The following EIF4G3 variants were observed in gnomAD, a reference collection of about 807,000 sequenced individuals.
The protein encoded by EIF4G3 is eIF-4-gamma 3.
Under a neutral mutation model 186.4 loss-of-function variants are expected in EIF4G3, and 34 were observed. The ratio of observed to expected loss-of-function variants is 0.18; its 90% confidence interval spans 0.14 to 0.24. EIF4G3 has a LOEUF of 0.24. EIF4G3 is among the 10% of genes least tolerant of loss of function. EIF4G3 has a pLI of 1.00. For synonymous variants in EIF4G3, 673 were observed against 679.5 expected (o/e 0.99, Z 0.15); for missense variants, 1,536 against 1,948.5 (o/e 0.79, Z 3.99).
chr1:20,951,463 A>C (rs1257543048), intron 12 of EIF4G3, among the ~76,000 whole-genome samples: 1 of 152,190 alleles, frequency 6.6e-6, no homozygotes, highest in Non-Finnish European at 1.5e-5. Context: ...GGGACAAATA[A>C]AGAAAATAGC....
intron 22 of EIF4G3, 22 bp from the exon 23 acceptor site, chr1:20,862,354 G>C (rs2154552017): frequency 7.3e-7 from 1 of 1,378,114 alleles, no homozygotes; most frequent in South Asian, 1.3e-5. Context: ...AAAATCATTA[G>C]TACTCCTGTC....
intron 2 of EIF4G3, among the ~76,000 whole-genome samples, chr1:21,154,097 C>T (rs1191310105): frequency 1.3e-5 from 2 of 152,112 alleles, no homozygotes; most frequent in African/African-American, 2.4e-5. Context: ...TGCTTATCCA[C>T]CAAAATCAGG....
At chr1:21,133,106 T>A (rs764730401) in intron 2 of EIF4G3, among the ~76,000 whole-genome samples, 8 of 151,990 alleles carry the variant, frequency 5.3e-5, no homozygotes, top group Non-Finnish European at 1.0e-4. Flanking sequence ...TTATGAACAT[T>A]TACTACATTT....
At chr1:20,900,907 ATTT>A (rs1157585836) in intron 15 of EIF4G3, among the ~76,000 whole-genome samples, 1 of 152,202 alleles carries the variant, frequency 6.6e-6, no homozygotes, top group Non-Finnish European at 1.5e-5. Flanking sequence ...GTTTAAAACA[ATTT>A]TTGAGTGACA....
chr1:20,822,972 T>C (rs940425231), intron 33 of EIF4G3, among the ~76,000 whole-genome samples: 12 of 152,200 alleles, frequency 7.9e-5, no homozygotes, highest in Non-Finnish European at 1.5e-4. Flanking sequence ...TTCTCAGCAC[T>C]CTGAGATTAT....
At chr1:20,939,420 A>G (rs997838756) in intron 14 of EIF4G3, among the ~76,000 whole-genome samples, 2 of 152,238 alleles carry the variant, frequency 1.3e-5, no homozygotes, top group Admixed American at 1.3e-4. Context: ...TATTGAGAGC[A>G]TCTGCATTTC....
At chr1:21,155,262 CAAAAAAAAAAAAAA>C (rs34182850) in intron 2 of EIF4G3, among the ~76,000 whole-genome samples, 1 of 43,326 alleles carries the variant, frequency 2.3e-5, no homozygotes, top group African/African-American at 9.8e-5. Context: ...GACTCTGTCT[CAAAAAAAAAAAAAA>C]AAAAAAAAAA....
intron 2 of EIF4G3, among the ~76,000 whole-genome samples, chr1:21,093,251 C>T (rs542797169): frequency 1.3e-5 from 2 of 152,128 alleles, no homozygotes. Context: ...AACAAATTTA[C>T]AAGAAAAAAA....
chr1:21,033,725 T>A (rs2092939441), intron 4 of EIF4G3, among the ~76,000 whole-genome samples: 1 of 152,192 alleles, frequency 6.6e-6, no homozygotes, highest in African/African-American at 2.4e-5. Context: ...TTCCACAGTT[T>A]ATAGTTTGAA....
intron 3 of EIF4G3, among the ~76,000 whole-genome samples, chr1:21,077,021 A>G (rs2095609744): frequency 2.6e-5 from 4 of 152,240 alleles, no homozygotes; most frequent in Admixed American, 2.0e-4. Flanking sequence ...GAACGGGAGA[A>G]AATATATGCA....
chr1:20,893,771 A>G lies in EIF4G3; in HGVS notation c.2134-135T>C, dbSNP rs576091474. On this transcript the variant is annotated intron_variant, in intron 17 of 36. Transcript: ENST00000602326. ...CAGCTTTGGAACCCGCAGAAGTCCA[A>G]TCTCATCCATGGCAGCTTCTCCTGG... is the stretch of plus-strand genomic sequence containing the variant. 2.0e-4 allele frequency: 181 copies of G among 923,212 alleles called. 2 individuals carry two copies. The South Asian group carries it at 4.1e-3, about 21-fold the overall frequency. The allele number at this position is 923,212 out of a possible 1,614,324, so 57.2% of individuals were successfully genotyped here.
At chr1:21,105,422 C>A (rs2096598913) in intron 2 of EIF4G3, among the ~76,000 whole-genome samples, 1 of 150,730 alleles carries the variant, frequency 6.6e-6, no homozygotes, top group East Asian at 1.9e-4. Context: ...GAGTGAAACT[C>A]CGTCTTAAAA....
chr1:20,990,377 A>G (rs2080811566), intron 7 of EIF4G3, among the ~76,000 whole-genome samples: 1 of 152,170 alleles, frequency 6.6e-6, no homozygotes. Context: ...TTTTAGCCAG[A>G]AAGTATTTAA....
chr1:20,834,084 T>TA (rs1557838880), intron 30 of EIF4G3, among the ~76,000 whole-genome samples: 1 of 152,176 alleles, frequency 6.6e-6, no homozygotes, highest in East Asian at 1.9e-4. Context: ...AGTCCTTATC[T>TA]ATCAATAATT....
At chr1:21,091,802 T>C (rs2096212501) in intron 2 of EIF4G3, among the ~76,000 whole-genome samples, 1 of 152,198 alleles carries the variant, frequency 6.6e-6, no homozygotes. Context: ...TTGTCTGTCA[T>C]TGGTATATAA....
At chr1:20,862,467 G>A (rs1037784860) in intron 22 of EIF4G3, 135 bp from the exon 23 acceptor site, 7 of 565,942 alleles carry the variant, frequency 1.2e-5, no homozygotes, top group African/African-American at 1.9e-5. Context: ...CCAGGCTGGA[G>A]TGCAGTAGCA....
At chr1:20,828,729 T>C (rs2154547572) in intron 31 of EIF4G3, among the ~76,000 whole-genome samples, 1 of 152,302 alleles carries the variant, frequency 6.6e-6, no homozygotes. Context: ...TCTCAGTTTG[T>C]TTTATTATAA....
At chr1:20,831,680 C>T (rs935710253) in intron 30 of EIF4G3, among the ~76,000 whole-genome samples, 5 of 150,496 alleles carry the variant, frequency 3.3e-5, no homozygotes, top group African/African-American at 1.2e-4. Context: ...CATATGTATA[C>T]ATGAGCCATG....
At chr1:20,869,647 C>T (rs147944376) in intron 20 of EIF4G3, among the ~76,000 whole-genome samples, 14 of 151,592 alleles carry the variant, frequency 9.2e-5, no homozygotes, top group African/African-American at 2.9e-4. Flanking sequence ...TGGTGGCGGG[C>T]GCCTGTAGTC....
Sources: gnomAD v4.1 joint callset for allele counts (sites outside exome capture counted in the v4.1 genomes callset) on GRCh38, gnomAD v4.1.1 for gene constraint, MANE v1.5 for transcripts, NCBI Gene and HGNC (gene_info 2026-07-23, HGNC 2026-07-21) for gene names.